Variants in REV1 observed in about 807,000 individuals in gnomAD.
REV1 encodes REV1 DNA directed polymerase.
In REV1, 42 loss-of-function variants were observed where a neutral mutation model predicts 137.4. The ratio of observed to expected loss-of-function variants is 0.31; its 90% CI spans 0.24 to 0.40. REV1 has a LOEUF of 0.40. Ranked by LOEUF, REV1 falls within the 10% of genes least tolerant of loss-of-function variation. REV1 has a pLI of 1.00. For synonymous variants in REV1, 524 were observed against 519.2 expected (o/e 1.01, Z -0.12); for missense variants, 1,282 against 1,490.1 (o/e 0.86, Z 2.30).
Position 99,438,926 on chromosome 2 carries a change from A to G in REV1, c.888T>C (p.Asn296=). The G allele has an allele frequency of 1.9e-6, 3 of 1,614,198 alleles. No individual in the cohort carries two copies. The highest frequency in any genetic ancestry group is 2.5e-6 in the Non-Finnish European group (3 of 1,180,020). The stretch of plus-strand genomic sequence containing the variant: ...TGTGCAAAGGTGATAATGAGAAAGA[A>G]TTAGTTCTGTGTGGATTCCGCAAAG... ...TDALRNPHRT[N]SFSLSPLHSN... is the part of the protein sequence containing the mutation. Residue 296 remains asparagine, a synonymous_variant, in exon 6 of 23, where the codon AAT becomes AAC. Coordinates refer to ENST00000258428, the MANE Select transcript of REV1 (RefSeq NM_016316.4).
chr2:99,422,709 C>T (rs537665207), intron 10 of REV1, among the ~76,000 whole-genome samples: 1 of 152,102 alleles, frequency 6.6e-6, no homozygotes, highest in Admixed American at 6.5e-5. Context: ...GGATATTTTT[C>T]CCCTAAGAAT....
chr2:99,438,988 GAGTGCAGTCTCTGAAATC>G lies in REV1; in HGVS notation c.808_825del (p.Asp270_Thr275del), dbSNP rs746229988. The G allele has an allele frequency of 6.8e-6, 11 of 1,614,198 alleles. No homozygotes were observed. The East Asian group carries it at 2.5e-4, about 36-fold the overall frequency. ...CTGGTGCTTTGCTGCAACTGCTGCA[GAGTGCAGTCTCTGAAATC>G]AGTGCTGCTCTTCTCAGCCTTATCC... On this transcript the variant is annotated inframe_deletion, in exon 6 of 23. Coordinates refer to ENST00000258428, the MANE Select transcript of REV1 (RefSeq NM_016316.4).
chr2:99,436,994 T>TG (rs1163157512), intron 6 of REV1, among the ~76,000 whole-genome samples: 2 of 150,798 alleles, frequency 1.3e-5, no homozygotes, highest in Non-Finnish European at 3.0e-5. Context: ...TTTTTTGTTT[T>TG]TTTTTTTTTT....
At chr2:99,460,226 G>A (rs61436115) in intron 3 of REV1, among the ~76,000 whole-genome samples, 39,174 of 151,950 alleles carry the variant, frequency 0.26, 5,192 homozygotes, top group Admixed American at 0.34. Flanking sequence ...ACAGGCGCAC[G>A]TCACCACGCC....
At chr2:99,433,246 AG>A (rs1312119717) in intron 8 of REV1, among the ~76,000 whole-genome samples, 1 of 152,190 alleles carries the variant, frequency 6.6e-6, no homozygotes, top group East Asian at 1.9e-4. Flanking sequence ...CCATAATACA[AG>A]TAAATCTCAA....
intron 3 of REV1, among the ~76,000 whole-genome samples, chr2:99,456,728 A>G (rs1228887562): frequency 1.3e-5 from 2 of 152,258 alleles, no homozygotes; most frequent in Non-Finnish European, 2.9e-5. Context: ...CTCTCTATAT[A>G]AAATACTACT....
At chr2:99,471,599 C>CA (rs1053766066) in intron 1 of REV1, among the ~76,000 whole-genome samples, 1 of 151,424 alleles carries the variant, frequency 6.6e-6, no homozygotes, top group Non-Finnish European at 1.5e-5. Context: ...AATCACAGGG[C>CA]AAAAAAGGGT....
chr2:99,404,820 C>A, intron 17 of REV1, 143 bp from the exon 18 acceptor site: 1 of 673,378 alleles, frequency 1.5e-6, no homozygotes, highest in Non-Finnish European at 2.5e-6. Context: ...AGGAAAGCCA[C>A]CTCCAAATCA....
At chr2:99,454,557 A>C (rs1683311267) in intron 3 of REV1, among the ~76,000 whole-genome samples, 2 of 18,884 alleles carry the variant, frequency 1.1e-4, no homozygotes, top group South Asian at 1.2e-3. Context: ...GCTCAAAAAA[A>C]AAAAAAAAAA....
chr2:99,403,051 GTTTC>G lies in REV1; in HGVS notation c.3218_3221del (p.Arg1073ThrfsTer17). On this transcript the variant is annotated frameshift_variant, in exon 20 of 23. Coordinates refer to ENST00000258428, the MANE Select transcript of REV1 (RefSeq NM_016316.4). LOFTEE classifies it high-confidence loss of function. Reference sequence around the variant, plus strand: ...GTGAACCAATGGTTTTTTTCTTCTTGTTTCTTTTCTTTTCTTTCACTGCTGCCTT... The same window carrying G: ...GTGAACCAATGGTTTTTTTCTTCTTGTTTTCTTTTCTTTCACTGCTGCCTT... 1 of 1,612,326 alleles carries G rather than the reference GTTTC, an allele frequency of 6.2e-7. No individual in the cohort carries two copies. The highest frequency in any genetic ancestry group is 8.5e-7 in the Non-Finnish European group (1 of 1,178,840).
intron 1 of REV1, among the ~76,000 whole-genome samples, chr2:99,487,626 GTGC>G (rs1687276989): frequency 8.6e-6 from 1 of 116,954 alleles, no homozygotes; most frequent in South Asian, 2.4e-4. Context: ...GCTTCAGTTG[GTGC>G]TATTATAGTA....
intron 4 of REV1, among the ~76,000 whole-genome samples, chr2:99,443,079 G>T (rs1023195866): frequency 3.3e-5 from 5 of 152,084 alleles, no homozygotes; most frequent in Admixed American, 3.3e-4. Context: ...GCTTCCTTTT[G>T]TACTTCAGAA....
chr2:99,432,074 A>G, intron 8 of REV1: 1 of 203,732 alleles, frequency 4.9e-6, no homozygotes, highest in Non-Finnish European at 8.7e-6. Flanking sequence ...AAGGGGTAAA[A>G]GGCCCCAACC....
intron 1 of REV1, among the ~76,000 whole-genome samples, chr2:99,480,734 T>C (rs555533050): frequency 2.6e-5 from 4 of 152,272 alleles, no homozygotes; most frequent in African/African-American, 9.6e-5. Context: ...CATTCACAAA[T>C]CCCTTTTCTC....
intron 3 of REV1, among the ~76,000 whole-genome samples, chr2:99,452,167 G>T (rs1398030300): frequency 6.6e-6 from 1 of 152,108 alleles, no homozygotes; most frequent in Non-Finnish European, 1.5e-5. Flanking sequence ...GCTCACACCT[G>T]TAATTCCAGC....
intron 22 of REV1, among the ~76,000 whole-genome samples, chr2:99,401,790 G>A (rs1019219079): frequency 2.0e-5 from 3 of 151,840 alleles, no homozygotes; most frequent in African/African-American, 7.3e-5. Context: ...TTTTTATTTT[G>A]TTTTGAGACA....
At chr2:99,410,544 G>T in intron 14 of REV1, 151 bp downstream of exon 14, 1 of 669,588 alleles carries the variant, frequency 1.5e-6, no homozygotes, top group Non-Finnish European at 2.4e-6. Context: ...TAAGCTGAAT[G>T]CCTTGGGCTG....
At chr2:99,480,116 C>A (rs151210394) in intron 1 of REV1, among the ~76,000 whole-genome samples, 1 of 152,206 alleles carries the variant, frequency 6.6e-6, no homozygotes, top group East Asian at 1.9e-4. Context: ...CCCAGGAATT[C>A]GAGATCAGCC....
At chr2:99,426,308 T>C (rs1280315122) in intron 9 of REV1, among the ~76,000 whole-genome samples, 1 of 151,546 alleles carries the variant, frequency 6.6e-6, no homozygotes, top group African/African-American at 2.4e-5. Flanking sequence ...GATCGTGCCA[T>C]TGCACCTCAG....
Sources: gnomAD v4.1 joint callset for allele counts (sites outside exome capture counted in the v4.1 genomes callset) on GRCh38, gnomAD v4.1.1 for gene constraint, MANE v1.5 for transcripts, NCBI Gene and HGNC (gene_info 2026-07-23, HGNC 2026-07-21) for gene names.